The following CCDC102B variants were observed in gnomAD, a reference collection of about 807,000 sequenced individuals.
CCDC102B encodes the protein coiled-coil domain containing 102B.
CCDC102B carries 75 observed loss-of-function variants against 57.4 expected under a neutral mutation model. That is an observed-to-expected ratio of 1.31 (90% confidence interval 1.08 to 1.58). CCDC102B has a LOEUF of 1.58. CCDC102B is among the 40% of genes most tolerant of loss of function. CCDC102B has a pLI of 0.00. For missense variants in CCDC102B, 636 were observed against 582.6 expected (o/e 1.09, Z -0.94); for synonymous variants, 206 against 201.9 (o/e 1.02, Z -0.17).
intron 6 of CCDC102B, among the ~76,000 whole-genome samples, chr18:68,974,992 C>T (rs1490307985): frequency 2.0e-5 from 3 of 151,584 alleles, no homozygotes; most frequent in Admixed American, 6.6e-5. Context: ...TTAAAAATAC[C>T]TTATGTTGAA....
intron 6 of CCDC102B, among the ~76,000 whole-genome samples, chr18:68,949,289 T>A (rs568249724): frequency 6.6e-6 from 1 of 152,078 alleles, no homozygotes; most frequent in African/African-American, 2.4e-5. Context: ...CCATCACAGC[T>A]GGTGAAAGTT....
At chr18:68,793,784 A>G (rs1361472461), upstream of CCDC102B, among the ~76,000 whole-genome samples, 1 of 152,198 alleles carries the variant, frequency 6.6e-6, no homozygotes, top group African/African-American at 2.4e-5. Context: ...TCTTCTTAAG[A>G]AATTCATAGC....
At chr18:68,964,935 A>G (rs868714669) in intron 6 of CCDC102B, among the ~76,000 whole-genome samples, 2 of 151,808 alleles carry the variant, frequency 1.3e-5, no homozygotes, top group Non-Finnish European at 2.9e-5. Flanking sequence ...CTGGTTTCTT[A>G]TAAGAAATCT....
At chr18:68,973,271 G>C (rs562803314) in intron 6 of CCDC102B, among the ~76,000 whole-genome samples, 1 of 152,194 alleles carries the variant, frequency 6.6e-6, no homozygotes, top group African/African-American at 2.4e-5. Flanking sequence ...TATTGAGACT[G>C]CGTGTAAGTC....
chr18:68,745,116 G>A (rs1353691858), intron 2 of CCDC102B, among the ~76,000 whole-genome samples: 2 of 152,164 alleles, frequency 1.3e-5, no homozygotes, highest in African/African-American at 2.4e-5. Flanking sequence ...TCCCCACAGA[G>A]GTAGGAGAGG....
chr18:68,762,695 C>A (rs2034292226), intron 2 of CCDC102B, among the ~76,000 whole-genome samples: 1 of 152,056 alleles, frequency 6.6e-6, no homozygotes, highest in South Asian at 2.1e-4. Flanking sequence ...TAAGAAACAA[C>A]CTACCTGTGA....
intron 4 of CCDC102B, among the ~76,000 whole-genome samples, chr18:68,865,374 A>G (rs998403527): frequency 1.3e-5 from 2 of 152,060 alleles, no homozygotes; most frequent in African/African-American, 4.8e-5. Flanking sequence ...TCATTTTGTT[A>G]TAGGCATCTA....
At chr18:68,795,465 A>G (rs1359045851), upstream of CCDC102B, among the ~76,000 whole-genome samples, 2 of 152,172 alleles carry the variant, frequency 1.3e-5, no homozygotes, top group African/African-American at 2.4e-5. Context: ...TCTGAAGGAC[A>G]GAAGTCCAAA....
At chr18:68,749,060 A>G (rs1384026329) in intron 2 of CCDC102B, among the ~76,000 whole-genome samples, 3 of 152,116 alleles carry the variant, frequency 2.0e-5, no homozygotes, top group Non-Finnish European at 4.4e-5. Context: ...TGTTTTTGTC[A>G]GATTTGTCAA....
chr18:68,991,126 T>TTTA (rs1459657884), intron 6 of CCDC102B, among the ~76,000 whole-genome samples: 1 of 150,970 alleles, frequency 6.6e-6, no homozygotes, highest in Non-Finnish European at 1.5e-5. Flanking sequence ...CCTTCTGCTT[T>TTTA]TTTTTTTTTT....
At chr18:68,967,394 AAT>A (rs1226767814) in intron 6 of CCDC102B, among the ~76,000 whole-genome samples, 9 of 152,204 alleles carry the variant, frequency 5.9e-5, no homozygotes, top group Non-Finnish European at 8.8e-5. Context: ...ATTTTTAAAT[AAT>A]ATGTTTCAAG....
Position 68,846,221 on chromosome 18 carries a change from A to G in CCDC102B, c.828-92A>G, listed in dbSNP as rs186385550. 3,517 of 699,612 alleles carry G rather than the reference A, an allele frequency of 5.0e-3. 26 individuals carry two copies. Among genetic ancestry groups the G allele is most frequent in the Non-Finnish European group, 6.6e-3 (3,098 of 466,300 alleles). 43.3% of individuals were successfully genotyped at this position (699,612 alleles called of 1,614,324 possible). ...AAGATGATCAGTTACAAATATCAAA[A>G]ATTAGGAAAATGCCTATAAAATTGA... is the stretch of plus-strand genomic sequence containing the variant. On this transcript the variant is annotated intron_variant, in intron 3 of 7. Coordinates refer to ENST00000360242, the MANE Select transcript of CCDC102B (RefSeq NM_024781.3).
chr18:68,956,332 T>TATATATATTATATATAAA (rs1555732870), intron 6 of CCDC102B, among the ~76,000 whole-genome samples: 2 of 54,980 alleles, frequency 3.6e-5, no homozygotes, highest in South Asian at 6.4e-4. Context: ...TTATATATAT[T>TATATATATTATATATAAA]ATATATAATA....
intron 2 of CCDC102B, among the ~76,000 whole-genome samples, chr18:68,770,251 A>G (rs966393437): frequency 6.6e-6 from 1 of 152,166 alleles, no homozygotes; most frequent in African/African-American, 2.4e-5. Flanking sequence ...AATCTCCACT[A>G]GTTGATGCAA....
intron 6 of CCDC102B, among the ~76,000 whole-genome samples, chr18:68,993,934 A>C (rs1186526870): frequency 6.6e-6 from 1 of 152,170 alleles, no homozygotes; most frequent in Admixed American, 6.5e-5. Flanking sequence ...GCTTAAATAA[A>C]ACTTTATAGA....
intron 1 of CCDC102B, among the ~76,000 whole-genome samples, chr18:68,832,185 C>A (rs1332645535): frequency 2.0e-5 from 3 of 152,054 alleles, no homozygotes; most frequent in African/African-American, 7.2e-5. Flanking sequence ...AGACAAAAAT[C>A]TTTTTAATGT....
intron 2 of CCDC102B, among the ~76,000 whole-genome samples, chr18:68,733,881 G>A (rs1385212438): frequency 6.6e-6 from 1 of 152,104 alleles, no homozygotes; most frequent in African/African-American, 2.4e-5. Context: ...GGTGACATCT[G>A]CTGGAACTAT....
At chr18:68,996,467 G>A (rs1167266619) in intron 6 of CCDC102B, among the ~76,000 whole-genome samples, 1 of 152,140 alleles carries the variant, frequency 6.6e-6, no homozygotes. Flanking sequence ...ACTTTACCTT[G>A]TGATCATGTG....
At chr18:68,743,395 G>C (rs1460526311) in intron 2 of CCDC102B, among the ~76,000 whole-genome samples, 3 of 152,048 alleles carry the variant, frequency 2.0e-5, no homozygotes, top group Non-Finnish European at 4.4e-5. Flanking sequence ...GTGAGACAGA[G>C]CGATACTCCA....
Sources: gnomAD v4.1 joint callset for allele counts (sites outside exome capture counted in the v4.1 genomes callset) on GRCh38, gnomAD v4.1.1 for gene constraint, MANE v1.5 for transcripts, NCBI Gene and HGNC (gene_info 2026-07-23, HGNC 2026-07-21) for gene names.